The following DLG2 variants were observed in gnomAD, a reference collection of about 807,000 sequenced individuals.
DLG2 encodes disks large homolog 2.
DLG2 carries 45 observed loss-of-function variants against 132.5 expected under a neutral mutation model. The observed-to-expected ratio is 0.34, with a 90% CI of 0.27 to 0.44. The LOEUF (loss-of-function observed/expected upper bound fraction) is 0.44. Ranked by LOEUF, DLG2 falls within the 20% of genes least tolerant of loss-of-function variation. DLG2 has a pLI of 1.00. For missense variants in DLG2, 1,045 were observed against 1,196.9 expected (o/e 0.87, Z 1.87); for synonymous variants, 424 against 419.6 (o/e 1.01, Z -0.13).
intron 3 of DLG2, among the ~76,000 whole-genome samples, chr11:85,356,277 AT>A (rs2152891344): frequency 6.6e-6 from 1 of 152,180 alleles, no homozygotes; most frequent in Non-Finnish European, 1.5e-5. Context: ...TTGCTGAATA[AT>A]TTTTCCTCTT....
intron 11 of DLG2, among the ~76,000 whole-genome samples, chr11:84,046,362 A>G (rs1188124020): frequency 1.3e-5 from 2 of 151,570 alleles, no homozygotes; most frequent in African/African-American, 2.4e-5. Context: ...GAACATCAAA[A>G]TTATTATAAT....
In DLG2 at chr11:83,862,247, C is replaced by G. The variant is rs147697819; in HGVS notation, c.1565+12173G>C. Among the ~76,000 whole-genome samples, 6 of 152,208 alleles carry G rather than the reference C, an allele frequency of 3.9e-5. No individual in the cohort carries two copies. The South Asian group carries it at 8.3e-4, about 21-fold the overall frequency. ...AAATGTGGTACAAATACACAATGCA[C>G]TACTATCCAGCCATAAAAAAGAATG... On this transcript the variant is annotated intron_variant, in intron 16 of 27. Transcript: ENST00000376104.
chr11:83,744,841 C>G (rs2092787183), intron 18 of DLG2, among the ~76,000 whole-genome samples: 1 of 152,172 alleles, frequency 6.6e-6, no homozygotes, highest in Admixed American at 6.5e-5. Flanking sequence ...GAAGCTAAAA[C>G]TGTGTTAAGT....
chr11:84,389,360 TA>T (rs1334898648), intron 7 of DLG2, among the ~76,000 whole-genome samples: 1 of 152,090 alleles, frequency 6.6e-6, no homozygotes. Context: ...GTTCTTCAGT[TA>T]AAACTCCATA....
chr11:84,272,275 T>C (rs1364010884), intron 7 of DLG2: 1 of 436,782 alleles, frequency 2.3e-6, no homozygotes, highest in Non-Finnish European at 4.6e-6. Context: ...GAAAATAACA[T>C]GAACTTCAAG....
At chr11:83,895,403 G>A (rs973107958) in intron 15 of DLG2, among the ~76,000 whole-genome samples, 21 of 152,040 alleles carry the variant, frequency 1.4e-4, no homozygotes, top group South Asian at 4.2e-4. Flanking sequence ...CAGGTGATCC[G>A]CCCGCCTCGG....
intron 9 of DLG2, among the ~76,000 whole-genome samples, chr11:84,139,732 A>T (rs1255479169): frequency 6.6e-6 from 1 of 152,094 alleles, no homozygotes; most frequent in Non-Finnish European, 1.5e-5. Context: ...AAATGACTAC[A>T]AAGGCCACAC....
chr11:83,864,602 G>T (rs2061985158), intron 16 of DLG2, among the ~76,000 whole-genome samples: 1 of 152,132 alleles, frequency 6.6e-6, no homozygotes, highest in East Asian at 1.9e-4. Flanking sequence ...TACTTCGGTG[G>T]AATAAACATT....
chr11:85,058,161 T>G (rs2063659247), intron 6 of DLG2, among the ~76,000 whole-genome samples: 1 of 151,526 alleles, frequency 6.6e-6, no homozygotes, highest in African/African-American at 2.4e-5. Context: ...CAAAAGAATC[T>G]ATAGACGAAG....
chr11:84,813,531 A>G (rs984821289), intron 6 of DLG2, among the ~76,000 whole-genome samples: 2 of 152,130 alleles, frequency 1.3e-5, no homozygotes, highest in Non-Finnish European at 2.9e-5. Context: ...ATAGGAAAAT[A>G]AAAAAGAGAA....
At chr11:84,306,656 A>T (rs538203662) in intron 7 of DLG2, among the ~76,000 whole-genome samples, 1 of 152,168 alleles carries the variant, frequency 6.6e-6, no homozygotes, top group African/African-American at 2.4e-5. Flanking sequence ...GAACGCTAAA[A>T]ATTGTGCAGT....
At chr11:85,048,596 A>G (rs991165734) in intron 6 of DLG2, among the ~76,000 whole-genome samples, 1 of 152,032 alleles carries the variant, frequency 6.6e-6, no homozygotes, top group African/African-American at 2.4e-5. Context: ...TCAATTGGAC[A>G]CTATCAATTT....
chr11:84,490,906 T>C (rs1439692906), intron 7 of DLG2, among the ~76,000 whole-genome samples: 1 of 151,900 alleles, frequency 6.6e-6, no homozygotes, highest in Admixed American at 6.6e-5. Context: ...TGTGTGTGTG[T>C]GTGCATATGT....
intron 3 of DLG2, among the ~76,000 whole-genome samples, chr11:85,576,846 AG>A (rs770564652): frequency 1.2e-4 from 19 of 152,196 alleles, no homozygotes; most frequent in Non-Finnish European, 2.4e-4. Flanking sequence ...TAACGGGAGA[AG>A]GGTGGCTATT....
intron 10 of DLG2, among the ~76,000 whole-genome samples, chr11:84,074,167 G>A (rs58395431): frequency 6.6e-6 from 1 of 152,048 alleles, no homozygotes; most frequent in Non-Finnish European, 1.5e-5. Context: ...CCCTGCACTA[G>A]AATATAAGCC....
chr11:83,637,423 A>G (rs1274499081), intron 18 of DLG2, among the ~76,000 whole-genome samples: 3 of 152,200 alleles, frequency 2.0e-5, no homozygotes, highest in Non-Finnish European at 4.4e-5. Flanking sequence ...TCTGTACTAC[A>G]TACTTTTAAA....
At chr11:85,502,533 A>C (rs2093829165) in intron 3 of DLG2, among the ~76,000 whole-genome samples, 1 of 152,136 alleles carries the variant, frequency 6.6e-6, no homozygotes. Flanking sequence ...CATCATTCTC[A>C]GCAAACTAAC....
intron 6 of DLG2, among the ~76,000 whole-genome samples, chr11:84,828,768 C>A (rs1159095149): frequency 6.6e-6 from 1 of 151,770 alleles, no homozygotes; most frequent in Non-Finnish European, 1.5e-5. Flanking sequence ...ATCTCAGAAA[C>A]ACAATTTAAG....
intron 4 of DLG2, among the ~76,000 whole-genome samples, chr11:85,155,634 C>T (rs1188675962): frequency 6.6e-6 from 1 of 152,086 alleles, no homozygotes; most frequent in East Asian, 1.9e-4. Flanking sequence ...CTTTAGAAGG[C>T]CAAGGAGGAT....
Sources: allele counts gnomAD v4.1 joint callset (sites outside exome capture counted in the v4.1 genomes callset), GRCh38; gene constraint gnomAD v4.1.1; transcripts MANE v1.5; gene names NCBI Gene and HGNC (gene_info 2026-07-23, HGNC 2026-07-21).